Variants in TNRC6C observed in about 807,000 individuals in gnomAD.
TNRC6C encodes the protein trinucleotide repeat containing adaptor 6C.
Under a neutral mutation model 153.7 loss-of-function variants are expected in TNRC6C, and 20 were observed. That is an observed-to-expected ratio of 0.13 (90% CI 0.09 to 0.19). The LOEUF (loss-of-function observed/expected upper bound fraction) is 0.19, where lower values mean the gene tolerates loss of function less well. TNRC6C is among the 10% of genes least tolerant of loss of function. TNRC6C has a pLI of 1.00. For synonymous variants in TNRC6C, 811 were observed against 841.4 expected (o/e 0.96, Z 0.63); for missense variants, 1,987 against 2,172.0 (o/e 0.91, Z 1.69).
rs1326435126 is a variant in TNRC6C at position 77,976,140 on chromosome 17, A to G, written c.-38+16872A>G. On this transcript the variant is annotated intron_variant, in intron 1 of 22. Transcript: ENST00000636222. Reference sequence around the variant, plus strand: ...TGTAAGTTTCTCACATTGTAGGCTCATGTTATCTTCCTTATATTCAGCCCT... The same window carrying G: ...TGTAAGTTTCTCACATTGTAGGCTCGTGTTATCTTCCTTATATTCAGCCCT... 2.0e-5 allele frequency among the ~76,000 whole-genome samples: 3 copies of G among 152,334 alleles called. No individual in the cohort carries two copies. The East Asian group carries it at 5.8e-4, about 29-fold the overall frequency.
At chr17:77,963,459 C>T (rs943960670) in intron 1 of TNRC6C, among the ~76,000 whole-genome samples, 46 of 152,166 alleles carry the variant, frequency 3.0e-4, no homozygotes, top group Admixed American at 2.1e-3. Flanking sequence ...AAATCCATAT[C>T]GTTTGTTCCA....
intron 1 of TNRC6C, among the ~76,000 whole-genome samples, chr17:78,021,162 A>G (rs2071824786): frequency 6.6e-6 from 1 of 152,258 alleles, no homozygotes; most frequent in South Asian, 2.1e-4. Flanking sequence ...GCTCGAGGGC[A>G]ACACTGGGAC....
intron 1 of TNRC6C, among the ~76,000 whole-genome samples, chr17:77,995,336 C>T (rs7221476): frequency 0.043 from 6,476 of 152,272 alleles, 445 homozygotes; most frequent in African/African-American, 0.15. Flanking sequence ...AGGATCCTGC[C>T]AGGGAGCCCT....
chr17:78,054,839 C>T (rs775219524), intron 3 of TNRC6C, among the ~76,000 whole-genome samples: 2 of 152,166 alleles, frequency 1.3e-5, no homozygotes, highest in Non-Finnish European at 2.9e-5. Flanking sequence ...CTACCATACA[C>T]CACTGCAGAC....
chr17:78,038,336 G>T (rs961470371), intron 2 of TNRC6C, among the ~76,000 whole-genome samples: 1 of 152,138 alleles, frequency 6.6e-6, no homozygotes, highest in African/African-American at 2.4e-5. Context: ...ATGTGAACGG[G>T]AAGATCATAG....
At chr17:77,988,726 T>G (rs2071207715) in intron 1 of TNRC6C, among the ~76,000 whole-genome samples, 1 of 152,234 alleles carries the variant, frequency 6.6e-6, no homozygotes, top group Admixed American at 6.5e-5. Context: ...GCTGAATGTT[T>G]AAATTCTGTG....
intron 16 of TNRC6C, chr17:78,097,858 G>C (rs764654792): frequency 6.5e-7 from 1 of 1,542,928 alleles, no homozygotes; most frequent in South Asian, 1.2e-5. Flanking sequence ...ACCTAGTGTT[G>C]CAGGTACGCG....
intron 2 of TNRC6C, among the ~76,000 whole-genome samples, chr17:78,041,877 A>T (rs2072303201): frequency 6.6e-6 from 1 of 152,246 alleles, no homozygotes; most frequent in Non-Finnish European, 1.5e-5. Flanking sequence ...GATGATAAAG[A>T]ATGAACACAT....
chr17:78,075,048 C>T lies in TNRC6C; in HGVS notation c.2918-88C>T. On this transcript the variant is annotated intron_variant, in intron 7 of 19. Transcript: ENST00000301624. This position sits in a 1 kb window ranked among gnomAD's most constrained non-coding sequence, Gnocchi z 4.2. Reference sequence around the variant, plus strand: ...GTTTGAAGGGGTGGAGGGTCTCCATCCCTCCTTGAGGCCTTAGCTGGTGCC... The same window carrying T: ...GTTTGAAGGGGTGGAGGGTCTCCATTCCTCCTTGAGGCCTTAGCTGGTGCC... 2 of 1,508,542 alleles carry T rather than the reference C, an allele frequency of 1.3e-6. No individual in the cohort carries two copies. The highest frequency in any genetic ancestry group is 2.0e-5 in the Admixed American group (1 of 50,154). The allele number at this position is 1,508,542 out of a possible 1,614,324, so 93.4% of individuals were successfully genotyped here.
rs545183814 is a variant in TNRC6C, at chr17:77,984,183, A to G, written c.-37-19987A>G. The stretch of plus-strand genomic sequence containing the variant: ...AGCTGGCTTCACTTTAGGCTTTGCC[A>G]ATGGAAGCACTGGAGACACAATGTA... On this transcript the variant is annotated intron_variant, in intron 1 of 22. Coordinates refer to the TNRC6C transcript ENST00000636222. Among the ~76,000 whole-genome samples the G allele has an allele frequency of 2.0e-5, 3 of 152,172 alleles. No individual in the cohort carries two copies. In the South Asian group the frequency reaches 6.2e-4, roughly 32 times the overall value.
intron 5 of TNRC6C, 105 bp downstream of exon 7, chr17:78,068,028 A>G (rs2072917746): frequency 7.2e-7 from 1 of 1,393,234 alleles, no homozygotes; most frequent in East Asian, 2.4e-5. Context: ...GAGGTTCTCA[A>G]AGTAGTCTTA....
intron 5 of TNRC6C, among the ~76,000 whole-genome samples, chr17:78,069,458 AGTACAACCTTGAACTCCTGGGCT>A (rs1326381307): frequency 3.3e-5 from 5 of 152,170 alleles, no homozygotes; most frequent in African/African-American, 1.2e-4. Context: ...TAGGGGCTGG[AGTACAACCTTGAACTCCTGGGCT>A]CGAATTGTCC....
At chr17:77,981,117 A>G (rs2071071271) in intron 1 of TNRC6C, among the ~76,000 whole-genome samples, 1 of 152,096 alleles carries the variant, frequency 6.6e-6, no homozygotes, top group Non-Finnish European at 1.5e-5. Flanking sequence ...CTGGGACTCC[A>G]GGCACGTACC....
At chr17:77,984,848 T>C (rs945696644) in intron 1 of TNRC6C, among the ~76,000 whole-genome samples, 52 of 150,120 alleles carry the variant, frequency 3.5e-4, no homozygotes, top group Non-Finnish European at 1.5e-4. Flanking sequence ...ACACACACAC[T>C]CTTTTAGCTT....
chr17:78,091,402 G>A, intron 13 of TNRC6C, 38 bp from the exon 16 acceptor site: 1 of 1,526,930 alleles, frequency 6.5e-7, no homozygotes, highest in Non-Finnish European at 8.8e-7. Context: ...AAGTCATTTA[G>A]AGGAGCAGGC....
chr17:78,042,425 TG>T (rs1422425294), intron 2 of TNRC6C, among the ~76,000 whole-genome samples: 1 of 152,146 alleles, frequency 6.6e-6, no homozygotes, highest in Non-Finnish European at 1.5e-5. Flanking sequence ...AAACTGACAT[TG>T]TTTGTAAGGG....
intron 1 of TNRC6C, among the ~76,000 whole-genome samples, chr17:77,982,806 G>C (rs2071099561): frequency 6.6e-6 from 1 of 152,208 alleles, no homozygotes; most frequent in East Asian, 1.9e-4. Flanking sequence ...ACTCCAGCCT[G>C]GGTGACGGAG....
chr17:78,050,619 A>C, exon 3 of TNRC6C: 1 of 1,577,216 alleles, frequency 6.3e-7, no homozygotes, highest in Non-Finnish European at 8.6e-7. Flanking sequence ...CTGTGCCAGC[A>C]AACACAGGTT....
chr17:77,972,114 A>C (rs1482233610), intron 1 of TNRC6C, among the ~76,000 whole-genome samples: 2 of 152,206 alleles, frequency 1.3e-5, no homozygotes, highest in East Asian at 1.9e-4. Context: ...AGAGAAGATC[A>C]GTAAAATCAG....
Sources: gnomAD v4.1 joint callset for allele counts (sites outside exome capture counted in the v4.1 genomes callset) on GRCh38, gnomAD v4.1.1 for gene constraint, Gnocchi (gnomAD v3.1) non-coding constraint, MANE v1.5 for transcripts, NCBI Gene and HGNC (gene_info 2026-07-23, HGNC 2026-07-21) for gene names.